The following MMP16 variants were observed in gnomAD, a reference collection of about 807,000 sequenced individuals.
The protein encoded by MMP16 is matrix metallopeptidase 16.
MMP16 carries 12 observed loss-of-function variants against 67.8 expected under a neutral mutation model. The observed-to-expected ratio is 0.18, with a 90% CI of 0.11 to 0.29. The LOEUF is 0.29. Among genes scored for constraint, MMP16 ranks in the 10% least tolerant of loss-of-function variants. MMP16 has a pLI of 1.00. For missense variants in MMP16, 475 were observed against 765.7 expected, an observed-to-expected ratio of 0.62 and a Z score of 4.48; for synonymous variants, 249 against 255.9, an observed-to-expected ratio of 0.97 and a Z score of 0.26.
At chr8:88,229,033 C>T (rs904128244) in intron 1 of MMP16, among the ~76,000 whole-genome samples, 6 of 151,660 alleles carry the variant, frequency 4.0e-5, no homozygotes, top group African/African-American at 1.2e-4. Context: ...TGGTAGTACA[C>T]ACCTGTAGTA....
intron 1 of MMP16, among the ~76,000 whole-genome samples, chr8:88,285,813 CATT>C (rs1810821841): frequency 6.6e-6 from 1 of 152,194 alleles, no homozygotes; most frequent in South Asian, 2.1e-4. Flanking sequence ...ACAACCAACA[CATT>C]ATCCATCTCC....
chr8:88,303,383 C>T lies in MMP16; in HGVS notation c.132+23692G>A, dbSNP rs374402279. 2.0e-4 allele frequency among the ~76,000 whole-genome samples: 30 copies of T among 152,306 alleles called. No individual in the cohort carries two copies. In the South Asian group the frequency reaches 3.7e-3, roughly 19 times the overall value. On this transcript the variant is annotated intron_variant, in intron 1 of 9. Coordinates refer to ENST00000286614, the MANE Select transcript of MMP16 (RefSeq NM_005941.5). ...GTTTGGTCTACACAGCTGTTCCAGC[C>T]TGCCAGCTCTGGAGAGTCTAGCCTG... is the stretch of plus-strand genomic sequence containing the variant.
chr8:88,256,536 C>G (rs1336902236), intron 1 of MMP16, among the ~76,000 whole-genome samples: 2 of 152,114 alleles, frequency 1.3e-5, no homozygotes, highest in African/African-American at 4.8e-5. Context: ...ATTCAATAAA[C>G]TTATTTTTGA....
chr8:88,085,289 A>G (rs982344345), intron 6 of MMP16, among the ~76,000 whole-genome samples: 1 of 152,098 alleles, frequency 6.6e-6, no homozygotes, highest in Non-Finnish European at 1.5e-5. Flanking sequence ...TCTGGCAAAG[A>G]TAATGCCATT....
chr8:88,283,865 C>T (rs1810781360), intron 1 of MMP16, among the ~76,000 whole-genome samples: 1 of 152,178 alleles, frequency 6.6e-6, no homozygotes, highest in African/African-American at 2.4e-5. Context: ...TCACTGACTA[C>T]ACAACATCAT....
chr8:88,119,066 G>A (rs542687814), intron 4 of MMP16, among the ~76,000 whole-genome samples: 6 of 152,012 alleles, frequency 3.9e-5, no homozygotes, highest in Non-Finnish European at 7.4e-5. Flanking sequence ...AAGAGGTGGC[G>A]GTGATAAAGT....
rs139497241 is a variant in MMP16, at chr8:88,221,154, G to A, written c.133-23848C>T. ...TAGCTGGGAGGGGTGGGGAGTGAGT[G>A]ACAGTCTGCCCAATAAATGGCAAGA... On this transcript the variant is annotated intron_variant, in intron 1 of 9. Coordinates refer to ENST00000286614, the MANE Select transcript of MMP16 (RefSeq NM_005941.5). Among the ~76,000 whole-genome samples, 953 of 152,180 alleles carry A rather than the reference G, an allele frequency of 6.3e-3. 7 individuals are homozygous for A. Among genetic ancestry groups the A allele is most frequent in the Middle Eastern group, 0.024 (7 of 294 alleles).
At chr8:88,200,310 TGCTTTTGAGAA>T (rs750711517) in intron 1 of MMP16, among the ~76,000 whole-genome samples, 4 of 152,016 alleles carry the variant, frequency 2.6e-5, no homozygotes, top group Non-Finnish European at 5.9e-5. Context: ...GATTGAGAAG[TGCTTTTGAGAA>T]CACTGAAAAA....
intron 1 of MMP16, among the ~76,000 whole-genome samples, chr8:88,257,585 T>C (rs1203986098): frequency 2.0e-5 from 3 of 152,220 alleles, no homozygotes; most frequent in Non-Finnish European, 4.4e-5. Flanking sequence ...TTAATATCAT[T>C]GAAAAGAAAG....
intron 4 of MMP16, among the ~76,000 whole-genome samples, chr8:88,121,274 A>T (rs1264693312): frequency 6.6e-6 from 1 of 151,956 alleles, no homozygotes; most frequent in African/African-American, 2.4e-5. Flanking sequence ...AGGCTTTAGA[A>T]GAAAATTAAT....
At chr8:88,144,819 T>C (rs1012293072) in intron 4 of MMP16, among the ~76,000 whole-genome samples, 13 of 151,966 alleles carry the variant, frequency 8.6e-5, no homozygotes, top group African/African-American at 1.2e-4. Flanking sequence ...ATTTAAGACA[T>C]CACAATTTTT....
rs777782093 is a variant in MMP16, at chr8:88,037,537, C to G, written c.*3924G>C. 2 of 151,868 alleles carry G rather than the reference C, an allele frequency of 1.3e-5. No individual in the cohort carries two copies. The highest frequency in any genetic ancestry group is 1.5e-5 in the Non-Finnish European group (1 of 67,864). The allele number at this position is 151,868 out of a possible 1,614,324, so 9.4% of individuals were successfully genotyped here. On this transcript the variant is annotated 3_prime_UTR_variant, in exon 10 of 10. Coordinates refer to ENST00000286614, the MANE Select transcript of MMP16 (RefSeq NM_005941.5). ...TGATTTATAACAGAAGTTGTCTTTG[C>G]TAGTATCACATAATGCTGTCTAATT...
chr8:88,069,856 T>C (rs1808522425), intron 7 of MMP16, among the ~76,000 whole-genome samples: 1 of 152,096 alleles, frequency 6.6e-6, no homozygotes, highest in South Asian at 2.1e-4. Context: ...ACAAATAAGA[T>C]AAAATCTCAG....
At chr8:88,257,232 C>T (rs1810317330) in intron 1 of MMP16, among the ~76,000 whole-genome samples, 1 of 152,164 alleles carries the variant, frequency 6.6e-6, no homozygotes, top group Non-Finnish European at 1.5e-5. Context: ...TGAGACAGTC[C>T]TTGCTCTTAC....
intron 6 of MMP16, among the ~76,000 whole-genome samples, chr8:88,099,704 C>CA (rs1809101659): frequency 6.6e-6 from 1 of 151,484 alleles, no homozygotes; most frequent in Non-Finnish European, 1.5e-5. Context: ...TTTAAAAAAA[C>CA]AAAAAACAAA....
At chr8:88,202,088 C>T (rs769160683) in intron 1 of MMP16, among the ~76,000 whole-genome samples, 10 of 152,128 alleles carry the variant, frequency 6.6e-5, no homozygotes, top group Non-Finnish European at 1.3e-4. Flanking sequence ...CTCTAAATCA[C>T]CATCCCATCC....
At chr8:88,240,642 G>A (rs1810019553) in intron 1 of MMP16, among the ~76,000 whole-genome samples, 1 of 152,152 alleles carries the variant, frequency 6.6e-6, no homozygotes, top group Non-Finnish European at 1.5e-5. Context: ...GGACTGAGAG[G>A]AGAAAACGAC....
At chr8:88,049,849 C>T (rs1808247217) in intron 8 of MMP16, among the ~76,000 whole-genome samples, 1 of 152,008 alleles carries the variant, frequency 6.6e-6, no homozygotes, top group Admixed American at 6.5e-5. Context: ...CATGGTGAAA[C>T]CCTGTCTTTA....
intron 1 of MMP16, among the ~76,000 whole-genome samples, chr8:88,246,066 T>C (rs1283091077): frequency 6.6e-6 from 1 of 152,094 alleles, no homozygotes; most frequent in Non-Finnish European, 1.5e-5. Context: ...CTAAGGATGT[T>C]ATGGGGTAAA....
Sources: gnomAD v4.1 joint callset for allele counts (sites outside exome capture counted in the v4.1 genomes callset) on GRCh38, gnomAD v4.1.1 for gene constraint, MANE v1.5 for transcripts, NCBI Gene and HGNC (gene_info 2026-07-23, HGNC 2026-07-21) for gene names.